Variants in CLDN16 observed in about 807,000 individuals in gnomAD.
CLDN16 encodes the protein claudin-16.
In CLDN16, 13 loss-of-function variants were observed where a neutral mutation model predicts 24.6. The observed-to-expected ratio is 0.53, with a 90% confidence interval of 0.34 to 0.84. The LOEUF is 0.84. Among genes scored for constraint, CLDN16 ranks in the 40% least tolerant of loss-of-function variants. The pLI is 0.01. For synonymous variants in CLDN16, 116 were observed against 106.7 expected (o/e 1.09, Z -0.54); for missense variants, 298 against 292.7 (o/e 1.02, Z -0.13).
intron 3 of CLDN16, chr3:190,374,624 GT>G (rs766931560): frequency 2.0e-5 from 3 of 151,784 alleles, no homozygotes; most frequent in Non-Finnish European, 2.9e-5. Context: ...TAAGTTTTCA[GT>G]TTTTTCCCAC....
chr3:190,401,542 G>A (rs1024843605), intron 1 of CLDN16, among the ~76,000 whole-genome samples: 1 of 152,118 alleles, frequency 6.6e-6, no homozygotes, highest in Non-Finnish European at 1.5e-5. Context: ...GCATGTTTAC[G>A]ATTCTAAGAA....
intron 1 of CLDN16, among the ~76,000 whole-genome samples, chr3:190,352,356 C>T (rs1223240971): frequency 6.6e-6 from 1 of 152,000 alleles, no homozygotes; most frequent in African/African-American, 2.4e-5. Context: ...ATTGGAATAG[C>T]TCAGAAACAG....
chr3:190,338,307 A>G (rs534209699), intron 1 of CLDN16, among the ~76,000 whole-genome samples: 2 of 152,308 alleles, frequency 1.3e-5, no homozygotes, highest in Admixed American at 6.5e-5. Context: ...TGGACCAACA[A>G]GCAAGAAAAG....
At chr3:190,389,183 A>G (rs1041807887) in intron 1 of CLDN16, among the ~76,000 whole-genome samples, 3 of 152,198 alleles carry the variant, frequency 2.0e-5, no homozygotes, top group Non-Finnish European at 4.4e-5. Context: ...ACCTGTGGCC[A>G]TAGGAATCTG....
At chr3:190,330,089 T>C (rs1478035533) in intron 1 of CLDN16, among the ~76,000 whole-genome samples, 1 of 152,042 alleles carries the variant, frequency 6.6e-6, no homozygotes. Context: ...TACAAGATTA[T>C]ATGCAATTTC....
the CLDN16 span, among the ~76,000 whole-genome samples, chr3:190,311,173 G>C: frequency 6.6e-6 from 1 of 152,122 alleles, no homozygotes; most frequent in Non-Finnish European, 1.5e-5. Context: ...ACTCCTAAGA[G>C]AAGTCCCTGA....
chr3:190,396,587 G>A (rs1168187424), intron 1 of CLDN16, among the ~76,000 whole-genome samples: 1 of 152,070 alleles, frequency 6.6e-6, no homozygotes, highest in Non-Finnish European at 1.5e-5. Context: ...CTTTATTATC[G>A]CTGTATCTCC....
At chr3:190,404,981 A>T in intron 3 of CLDN16, 55 bp downstream of exon 3, 1 of 1,550,394 alleles carries the variant, frequency 6.4e-7, no homozygotes, top group Non-Finnish European at 8.9e-7. Context: ...TAAGGGCTTG[A>T]GGTGAAGGAG....
At chr3:190,308,767 A>C in the CLDN16 span, among the ~76,000 whole-genome samples, 2 of 152,170 alleles carry the variant, frequency 1.3e-5, no homozygotes, top group African/African-American at 2.4e-5. Context: ...CATGGTTCCT[A>C]GGCTGAAACT....
the CLDN16 span, among the ~76,000 whole-genome samples, chr3:190,317,023 T>C: frequency 2.0e-5 from 3 of 152,182 alleles, no homozygotes; most frequent in African/African-American, 4.8e-5. Context: ...GTTTTGTTTC[T>C]TTTTGCCCTA....
intron 1 of CLDN16, among the ~76,000 whole-genome samples, chr3:190,363,229 AC>A (rs1313952256): frequency 6.6e-6 from 1 of 151,626 alleles, no homozygotes; most frequent in Non-Finnish European, 1.5e-5. Flanking sequence ...TGCTATTGAC[AC>A]CATTCAATGA....
chr3:190,399,778 C>T (rs1177403740), intron 1 of CLDN16, among the ~76,000 whole-genome samples: 1 of 152,114 alleles, frequency 6.6e-6, no homozygotes, highest in African/African-American at 2.4e-5. Context: ...AGGCCACAGA[C>T]CAGTACTAGT....
At chr3:190,398,585 G>A (rs1718879311) in intron 1 of CLDN16, among the ~76,000 whole-genome samples, 1 of 152,088 alleles carries the variant, frequency 6.6e-6, no homozygotes. Flanking sequence ...TATACTGGTG[G>A]TAAGAATGTG....
At chr3:190,398,329 C>T (rs1187201899) in intron 1 of CLDN16, among the ~76,000 whole-genome samples, 1 of 152,178 alleles carries the variant, frequency 6.6e-6, no homozygotes, top group Non-Finnish European at 1.5e-5. Flanking sequence ...GGCTGCGCTG[C>T]CCCTGAAAGT....
At chr3:190,297,094 T>A in the CLDN16 span, among the ~76,000 whole-genome samples, 4,227 of 152,028 alleles carry the variant, frequency 0.028, 121 homozygotes, top group Admixed American at 0.091. Flanking sequence ...ACAAAATAAC[T>A]AAACACAAAA....
At chr3:190,339,620 A>G (rs116005936) in intron 1 of CLDN16, among the ~76,000 whole-genome samples, 4,498 of 152,330 alleles carry the variant, frequency 0.03, 109 homozygotes, top group East Asian at 0.081. Flanking sequence ...AACTTGTAAG[A>G]TAGGTCAGCA....
At chr3:190,304,663 T>C in the CLDN16 span, among the ~76,000 whole-genome samples, 1 of 151,540 alleles carries the variant, frequency 6.6e-6, no homozygotes, top group Non-Finnish European at 1.5e-5. Flanking sequence ...AATGAAGAGA[T>C]TTTAGGGCAG....
the CLDN16 span, among the ~76,000 whole-genome samples, chr3:190,293,739 A>G: frequency 6.6e-6 from 1 of 152,226 alleles, no homozygotes; most frequent in African/African-American, 2.4e-5. Context: ...AATGTATTCA[A>G]CAGTATTGTC....
At chr3:190,335,532 G>C (rs1241203294) in intron 1 of CLDN16, among the ~76,000 whole-genome samples, 1 of 151,860 alleles carries the variant, frequency 6.6e-6, no homozygotes, top group East Asian at 2.0e-4. Flanking sequence ...GGCCAACATG[G>C]TGAAACCCTG....
Sources: allele counts gnomAD v4.1 joint callset (sites outside exome capture counted in the v4.1 genomes callset), GRCh38; gene constraint gnomAD v4.1.1; transcripts MANE v1.5; gene names NCBI Gene and HGNC (gene_info 2026-07-23, HGNC 2026-07-21).